FER: variants seen among roughly 807,000 people sequenced by gnomAD.
FER encodes the protein FER tyrosine kinase, also known as tyrosine-protein kinase Fer.
Under a neutral mutation model 111.0 loss-of-function variants are expected in FER, and 63 were observed. The observed-to-expected ratio is 0.57, with a 90% confidence interval of 0.46 to 0.70. The LOEUF (loss-of-function observed/expected upper bound fraction) is 0.70, where lower values mean the gene tolerates loss of function less well. Ranked by LOEUF, FER falls within the 30% of genes least tolerant of loss-of-function variation. The pLI is 0.00. For missense variants in FER, 914 were observed against 954.0 expected, an observed-to-expected ratio of 0.96 and a Z score of 0.55; for synonymous variants, 327 against 313.9, an observed-to-expected ratio of 1.04 and a Z score of -0.44.
At chr5:108,933,698 A>C (rs1429520384) in intron 10 of FER, among the ~76,000 whole-genome samples, 1 of 152,214 alleles carries the variant, frequency 6.6e-6, no homozygotes, top group Non-Finnish European at 1.5e-5. Flanking sequence ...TTTGGGCAGT[A>C]TGAACATTTT....
At chr5:108,750,468 A>G (rs1397781292) in intron 1 of FER, among the ~76,000 whole-genome samples, 1 of 152,184 alleles carries the variant, frequency 6.6e-6, no homozygotes, top group East Asian at 1.9e-4. Context: ...AGATGCTGGG[A>G]ATATATTAAG....
At chr5:108,751,784 T>G (rs1203906210) in intron 1 of FER, among the ~76,000 whole-genome samples, 2 of 152,152 alleles carry the variant, frequency 1.3e-5, no homozygotes, top group African/African-American at 4.8e-5. Flanking sequence ...TGTCTCATGG[T>G]TCTGAGGAAT....
In FER at chr5:109,180,830, G is replaced by A. The variant is rs776097206; in HGVS notation, c.2132G>A (p.Gly711Asp). The A allele has an allele frequency of 1.2e-6, 2 of 1,613,666 alleles. No homozygotes were observed. Among genetic ancestry groups the A allele is most frequent in the Admixed American group, 3.3e-5 (2 of 59,962 alleles). ...SDFGMSRQED[G>D]GVYSSSGLKQ... ...TTTGGAATGTCTCGTCAAGAGGATG[G>A]TGGAGTGTATTCATCTTCTGGCTTA... The change falls in exon 18 of 20, where the codon GGT becomes GAT. Residue 711 changes from glycine to aspartate, a missense_variant. Gly to Asp is a moderately conservative substitution (Grantham distance 94). This residue lies in a region of FER where 134 missense variants were observed against 149.4 expected (regional missense o/e 0.90). Transcript: ENST00000281092.
intron 11 of FER, among the ~76,000 whole-genome samples, chr5:108,949,616 CAG>C (rs967581471): frequency 8.5e-5 from 13 of 152,084 alleles, no homozygotes; most frequent in Admixed American, 7.9e-4. Flanking sequence ...AAACAGATGA[CAG>C]AGATCATGTC....
At chr5:109,171,170 T>G (rs1031593772) in intron 17 of FER, among the ~76,000 whole-genome samples, 1 of 152,188 alleles carries the variant, frequency 6.6e-6, no homozygotes, top group Non-Finnish European at 1.5e-5. Flanking sequence ...TGTCAGCCAT[T>G]ATAAAACATG....
intron 13 of FER, among the ~76,000 whole-genome samples, chr5:108,991,971 A>T (rs1273837829): frequency 6.6e-6 from 1 of 152,070 alleles, no homozygotes; most frequent in Non-Finnish European, 1.5e-5. Context: ...GAAGGTCAAC[A>T]GATAAACAAG....
At chr5:108,925,302 T>C (rs1025204173) in intron 10 of FER, among the ~76,000 whole-genome samples, 1 of 152,074 alleles carries the variant, frequency 6.6e-6, no homozygotes, top group African/African-American at 2.4e-5. Context: ...TTCTTGAACA[T>C]AGGTATTTAA....
chr5:108,854,806 T>C, intron 5 of FER, among the ~76,000 whole-genome samples: 1 of 151,858 alleles, frequency 6.6e-6, no homozygotes, highest in South Asian at 2.1e-4. Flanking sequence ...TAACCAGGCC[T>C]GGTGGCACAC....
intron 2 of FER, among the ~76,000 whole-genome samples, chr5:108,780,302 C>G (rs73780569): frequency 0.017 from 2,559 of 151,744 alleles, 76 homozygotes; most frequent in African/African-American, 0.059. Context: ...CAAATTCCCT[C>G]AATATTTATG....
At chr5:109,030,010 A>G (rs891553223) in intron 13 of FER, among the ~76,000 whole-genome samples, 7 of 151,820 alleles carry the variant, frequency 4.6e-5, no homozygotes, top group Non-Finnish European at 7.4e-5. Context: ...TTTTTCACCC[A>G]ATCTATTTTC....
chr5:108,805,896 C>T (rs555421157), intron 3 of FER, among the ~76,000 whole-genome samples: 25 of 152,196 alleles, frequency 1.6e-4, no homozygotes, highest in African/African-American at 5.5e-4. Context: ...AAAGAAAATC[C>T]CATTTTCTGA....
At chr5:108,988,007 A>T (rs1020046236) in intron 13 of FER, among the ~76,000 whole-genome samples, 2 of 152,136 alleles carry the variant, frequency 1.3e-5, no homozygotes, top group Non-Finnish European at 2.9e-5. Context: ...TCACAAACGG[A>T]TGCTGAATTT....
chr5:109,076,758 G>A (rs1776392172), intron 16 of FER, among the ~76,000 whole-genome samples: 1 of 152,106 alleles, frequency 6.6e-6, no homozygotes, highest in Non-Finnish European at 1.5e-5. Context: ...TTTCAAACTG[G>A]AAGTCTGGGT....
chr5:108,977,322 A>G (rs1486107479), intron 13 of FER, among the ~76,000 whole-genome samples: 1 of 152,170 alleles, frequency 6.6e-6, no homozygotes, highest in Non-Finnish European at 1.5e-5. Context: ...TATGGTAGTA[A>G]ATAAGATAGA....
chr5:109,053,397 A>AAC (rs1294933975), intron 16 of FER, among the ~76,000 whole-genome samples: 113 of 151,744 alleles, frequency 7.4e-4, no homozygotes, highest in African/African-American at 2.7e-3. Flanking sequence ...AAAAAAAAAA[A>AAC]AAAAAGTAAT....
At chr5:108,846,943 A>T (rs554281044) in intron 5 of FER, among the ~76,000 whole-genome samples, 1 of 151,814 alleles carries the variant, frequency 6.6e-6, no homozygotes. Flanking sequence ...AGTCTTATTA[A>T]TCTTCTCAAA....
chr5:109,148,090 C>T (rs184214684), intron 17 of FER, among the ~76,000 whole-genome samples: 18 of 151,928 alleles, frequency 1.2e-4, no homozygotes, highest in African/African-American at 4.3e-4. Flanking sequence ...GGGCATCTGT[C>T]TTAACTGGGT....
At chr5:109,019,128 A>G (rs1031908357) in intron 13 of FER, among the ~76,000 whole-genome samples, 1 of 151,600 alleles carries the variant, frequency 6.6e-6, no homozygotes, top group Non-Finnish European at 1.5e-5. Context: ...ATGTCCCTTT[A>G]TCCACATTTG....
At position 109,041,427 on chromosome 5, in the gene FER, C is replaced by G. The variant is rs549620380; in HGVS notation, c.1714-3253C>G. Among the ~76,000 whole-genome samples, 17 of 149,614 alleles carry G rather than the reference C, an allele frequency of 1.1e-4. No individual in the cohort carries two copies. In the South Asian group the frequency reaches 3.4e-3, roughly 30 times the overall value. On this transcript the variant is annotated intron_variant, in intron 14 of 19. Coordinates refer to ENST00000281092, the MANE Select transcript of FER (RefSeq NM_005246.4). ...GAAAGATTGGCAGTTCCTATAAAGT[C>G]AAAGGACTTTTGAAGTCTGGATAAG...
Sources: gnomAD v4.1 joint callset for allele counts (sites outside exome capture counted in the v4.1 genomes callset) on GRCh38, gnomAD v4.1.1 for gene constraint, gnomAD v4.1.1 regional missense constraint, MANE v1.5 for transcripts, NCBI Gene and HGNC (gene_info 2026-07-23, HGNC 2026-07-21) for gene names.